The following SV2B variants were observed in gnomAD, a reference collection of about 807,000 sequenced individuals.
The protein encoded by SV2B is synaptic vesicle glycoprotein 2B.
SV2B carries 41 observed loss-of-function variants against 73.9 expected under a neutral mutation model. That is an observed-to-expected ratio of 0.56 (90% CI 0.43 to 0.72). The LOEUF (loss-of-function observed/expected upper bound fraction) is 0.72. SV2B is among the 30% of genes least tolerant of loss of function. SV2B has a pLI of 0.00. For missense variants in SV2B, 764 were observed against 857.8 expected, an observed-to-expected ratio of 0.89 and a Z score of 1.37; for synonymous variants, 314 against 314.2, an observed-to-expected ratio of 1.00 and a Z score of 0.01.
At position 91,289,418 on chromosome 15, in the gene SV2B, A is replaced by T; in HGVS notation, c.1709-103A>T. 6.9e-7 allele frequency: 1 copy of T among 1,450,954 alleles called. No homozygotes were observed. Among genetic ancestry groups the T allele is most frequent in the South Asian group, 1.2e-5 (1 of 86,746 alleles). 89.9% of individuals were successfully genotyped at this position (1,450,954 alleles called of 1,614,324 possible). ...TAATACTTCAGGCAGCCTTGGCTTC[A>T]GGTGTACCAGTGAGGGTGGGAGATG... On this transcript the variant is annotated intron_variant, in intron 11 of 12. Transcript: ENST00000394232. This position sits in a 1 kb window ranked among gnomAD's most constrained non-coding sequence, Gnocchi z 4.9.
At chr15:91,248,868 T>C (rs865818363) in intron 2 of SV2B, among the ~76,000 whole-genome samples, 3 of 152,188 alleles carry the variant, frequency 2.0e-5, no homozygotes, top group Admixed American at 6.5e-5. Flanking sequence ...AAAAATAGAC[T>C]TTTATTGGAT....
At chr15:91,200,051 G>A (rs2045406157) in intron 1 of SV2B, among the ~76,000 whole-genome samples, 2 of 152,182 alleles carry the variant, frequency 1.3e-5, no homozygotes, top group Non-Finnish European at 2.9e-5. Flanking sequence ...TAGCTAAGGT[G>A]CATTAAATGG....
chr15:91,166,654 A>C (rs1158890485), intron 1 of SV2B, among the ~76,000 whole-genome samples: 1 of 151,938 alleles, frequency 6.6e-6, no homozygotes, highest in Non-Finnish European at 1.5e-5. Flanking sequence ...CAATTTTTAT[A>C]TCCTCTATTA....
Position 91,227,664 on chromosome 15 carries a change from T to C in SV2B, c.451+950T>C, listed in dbSNP as rs2046428430. Among the ~76,000 whole-genome samples, 1 of 152,224 alleles carries C rather than the reference T, an allele frequency of 6.6e-6. No homozygotes were observed. Among genetic ancestry groups the C allele is most frequent in the South Asian group, 2.1e-4 (1 of 4,834 alleles). On this transcript the variant is annotated intron_variant, in intron 2 of 12. Coordinates refer to ENST00000394232, the MANE Select transcript of SV2B (RefSeq NM_001323032.3). The surrounding 1 kb of genome is among the most constrained non-coding windows in gnomAD (Gnocchi z 4.5). ...CCTTCATTCAACAAATATCTTTTATTGGTTTACCTTATGCTAGACTCTGTG... is the reference window on the plus strand; with the variant it reads ...CCTTCATTCAACAAATATCTTTTATCGGTTTACCTTATGCTAGACTCTGTG...
chr15:91,260,369 C>G lies in SV2B; in HGVS notation c.968C>G (p.Thr323Ser), dbSNP rs772075354. ...AWMILKQVHDTNMRAKGTPEK... is the reference protein window; with the variant it reads ...AWMILKQVHDSNMRAKGTPEK... ...ATGATTCTCAAGCAAGTCCATGACA[C>G]CAACATGAGAGCTAAGGGGACCCCA... The change falls in exon 6 of 13, where the codon ACC becomes AGC. Residue 323 changes from threonine (T) to serine (S), a missense_variant. Transcript: ENST00000394232. 1 of 1,613,420 alleles carries G rather than the reference C, an allele frequency of 6.2e-7. No homozygotes were observed.
intron 1 of SV2B, among the ~76,000 whole-genome samples, chr15:91,103,055 C>T (rs1449452942): frequency 3.9e-5 from 6 of 152,198 alleles, no homozygotes; most frequent in African/African-American, 1.4e-4. Flanking sequence ...GAGATATTGC[C>T]TCTTAGGATT....
At chr15:91,238,567 G>A (rs1462962323) in intron 2 of SV2B, among the ~76,000 whole-genome samples, 1 of 152,256 alleles carries the variant, frequency 6.6e-6, no homozygotes, top group African/African-American at 2.4e-5. Context: ...TAAGATGCAA[G>A]TGTGAAGTTG....
At chr15:91,103,657 T>C (rs923550139) in intron 1 of SV2B, among the ~76,000 whole-genome samples, 4 of 152,200 alleles carry the variant, frequency 2.6e-5, no homozygotes, top group East Asian at 1.9e-4. Context: ...CTGTCCTTGG[T>C]GCAGAAGGGC....
intron 1 of SV2B, among the ~76,000 whole-genome samples, chr15:91,152,664 G>T (rs2043349459): frequency 6.6e-6 from 1 of 152,122 alleles, no homozygotes; most frequent in Non-Finnish European, 1.5e-5. Context: ...TTGTCAAATT[G>T]TGTAAGTTTG....
rs150152401 is a variant in SV2B, at chr15:91,267,739, A to T, written c.1208+96A>T. 9.9e-7 allele frequency: 1 copy of T among 1,013,152 alleles called. No homozygotes were observed. The highest frequency in any genetic ancestry group is 1.5e-6 in the Non-Finnish European group (1 of 657,856). The allele number at this position is 1,013,152 out of a possible 1,614,324, so 62.8% of individuals were successfully genotyped here. ...CAGTGAGTTCTGACTTAGAATTTGTATCAGGTAGGATGCTTTGGTGGCAAG... is the reference window on the plus strand; with the variant it reads ...CAGTGAGTTCTGACTTAGAATTTGTTTCAGGTAGGATGCTTTGGTGGCAAG... On this transcript the variant is annotated intron_variant, in intron 8 of 12. Transcript: ENST00000394232. This position sits in a 1 kb window ranked among gnomAD's most constrained non-coding sequence, Gnocchi z 4.3.
At chr15:91,117,677 G>A (rs1215021499) in intron 1 of SV2B, among the ~76,000 whole-genome samples, 1 of 152,200 alleles carries the variant, frequency 6.6e-6, no homozygotes, top group Admixed American at 6.5e-5. Flanking sequence ...CACTCATCAT[G>A]TTTGCTAGCA....
chr15:91,220,603 A>G lies in SV2B; in HGVS notation c.-391-5270A>G, dbSNP rs2046181403. Among the ~76,000 whole-genome samples, 1 of 152,390 alleles carries G rather than the reference A, an allele frequency of 6.6e-6. No homozygotes were observed. The stretch of plus-strand genomic sequence containing the variant: ...GTTTGCTGCACAATGATTTTGAGTC[A>G]TATAGCATAGATGCGGAGGCTAATA... On this transcript the variant is annotated intron_variant, in intron 1 of 12. Coordinates refer to ENST00000394232, the MANE Select transcript of SV2B (RefSeq NM_001323032.3). The surrounding 1 kb of genome is among the most constrained non-coding windows in gnomAD (Gnocchi z 4.1).
At position 91,122,324 on chromosome 15, in the gene SV2B, G is replaced by A. The variant is rs934549301; in HGVS notation, c.-392+21961G>A. 6.6e-6 allele frequency among the ~76,000 whole-genome samples: 1 copy of A among 152,222 alleles called. No homozygotes were observed. Among genetic ancestry groups the A allele is most frequent in the Non-Finnish European group, 1.5e-5 (1 of 68,040 alleles). ...CTCTCCCTCCTCCATCAAGAATTAA[G>A]TCATGCTGTACACAAATGGAGTCTC... On this transcript the variant is annotated intron_variant, in intron 1 of 12. Coordinates refer to ENST00000394232, the MANE Select transcript of SV2B (RefSeq NM_001323032.3). This position sits in a 1 kb window ranked among gnomAD's most constrained non-coding sequence, Gnocchi z 4.3.
rs536198235 is a variant in SV2B at position 91,299,235 on chromosome 15, A to G, written c.*6683A>G. 9 of 152,356 alleles carry G rather than the reference A, an allele frequency of 5.9e-5. No individual in the cohort carries two copies. In the East Asian group the frequency reaches 1.7e-3, roughly 29 times the overall value. 9.4% of individuals were successfully genotyped at this position (152,356 alleles called of 1,614,324 possible). On this transcript the variant is annotated 3_prime_UTR_variant, in exon 13 of 13. Coordinates refer to ENST00000394232, the MANE Select transcript of SV2B (RefSeq NM_001323032.3). ...TCTATCACAAAGGAATTGCATAAAA[A>G]TACTTACAAACATAACTATAAGCAA...
intron 6 of SV2B, 106 bp downstream of exon 6, chr15:91,260,515 A>C: frequency 1.3e-6 from 1 of 772,512 alleles, no homozygotes; most frequent in Non-Finnish European, 2.0e-6. Context: ...CAAAAGGAGA[A>C]CAAAGACTCT....
chr15:91,146,073 T>G (rs1596474301), intron 1 of SV2B, among the ~76,000 whole-genome samples: 1 of 152,258 alleles, frequency 6.6e-6, no homozygotes, highest in East Asian at 1.9e-4. Context: ...TTGTCCAGAC[T>G]GGTATTGCCT....
chr15:91,277,555 C>T (rs1450076267), intron 9 of SV2B, among the ~76,000 whole-genome samples: 1 of 152,174 alleles, frequency 6.6e-6, no homozygotes, highest in Non-Finnish European at 1.5e-5. Context: ...TGGAATTATA[C>T]AATAGGAAGC....
chr15:91,135,934 G>C (rs1361467677), intron 1 of SV2B, among the ~76,000 whole-genome samples: 1 of 152,112 alleles, frequency 6.6e-6, no homozygotes, highest in African/African-American at 2.4e-5. Context: ...AGGAAGTGCT[G>C]TTAGCCTTCA....
At chr15:91,199,570 C>A (rs2285527) in intron 1 of SV2B, among the ~76,000 whole-genome samples, 84,801 of 152,038 alleles carry the variant, frequency 0.56, 24,334 homozygotes, top group East Asian at 0.79. Flanking sequence ...TGGGGCAGGG[C>A]AAATGCTTTG....
Sources: gnomAD v4.1 joint callset for allele counts (sites outside exome capture counted in the v4.1 genomes callset) on GRCh38, gnomAD v4.1.1 for gene constraint, Gnocchi (gnomAD v3.1) non-coding constraint, MANE v1.5 for transcripts, NCBI Gene and HGNC (gene_info 2026-07-23, HGNC 2026-07-21) for gene names.